The following PMFBP1 variants were observed in gnomAD, a reference collection of about 807,000 sequenced individuals.
PMFBP1 encodes polyamine-modulated factor 1-binding protein 1.
In PMFBP1, 131 loss-of-function variants were observed where a neutral mutation model predicts 137.8. The observed-to-expected ratio is 0.95, with a 90% CI of 0.82 to 1.10. The LOEUF is 1.10. Ranked by LOEUF, PMFBP1 falls within the 50% of genes least tolerant of loss-of-function variation. PMFBP1 has a pLI of 0.00. For missense variants in PMFBP1, 1,199 were observed against 1,175.4 expected (o/e 1.02, Z -0.29); for synonymous variants, 490 against 450.4 (o/e 1.09, Z -1.11).
chr16:72,159,832 G>C (rs920389344), intron 3 of PMFBP1, among the ~76,000 whole-genome samples: 1 of 148,786 alleles, frequency 6.7e-6, no homozygotes, highest in Non-Finnish European at 1.5e-5. Context: ...TCCTAATGAA[G>C]ACACAGATAT....
upstream of PMFBP1, among the ~76,000 whole-genome samples, chr16:72,175,960 T>G (rs1187608638): frequency 1.3e-5 from 2 of 152,196 alleles, no homozygotes; most frequent in Non-Finnish European, 2.9e-5. Flanking sequence ...GTGCAGAGGC[T>G]TGGCATGCAG....
chr16:72,136,892 T>C, intron 7 of PMFBP1, 73 bp from the exon 8 acceptor site: 1 of 1,592,152 alleles, frequency 6.3e-7, no homozygotes, highest in South Asian at 1.1e-5. Context: ...ATGCCCAGCA[T>C]CCACAGTCAA....
In PMFBP1 at chr16:72,164,900, C is replaced by CT; in HGVS notation, c.28dup (p.Arg10LysfsTer16). The CT allele has an allele frequency of 6.3e-7, 1 of 1,595,472 alleles. No individual in the cohort carries two copies. On this transcript the variant is annotated frameshift_variant, in exon 3 of 21. Coordinates refer to ENST00000237353, the MANE Select transcript of PMFBP1 (RefSeq NM_031293.3). LOFTEE classifies it high-confidence loss of function. The stretch of plus-strand genomic sequence containing the variant: ...CTTGCTGTTCAGGCTGCTCACTTCT[C>CT]TGTCTCTCTCCCCCGCCTAGGCAGC...
At chr16:72,244,290 C>G in the PMFBP1 span, among the ~76,000 whole-genome samples, 1 of 151,098 alleles carries the variant, frequency 6.6e-6, no homozygotes, top group Admixed American at 6.6e-5. Flanking sequence ...TGGACACAGA[C>G]AAGAAAAAAA....
chr16:72,199,021 A>T, the PMFBP1 span, among the ~76,000 whole-genome samples: 1 of 152,216 alleles, frequency 6.6e-6, no homozygotes, highest in Non-Finnish European at 1.5e-5. Flanking sequence ...GATATCAGAG[A>T]TGCCAAATGA....
chr16:72,184,742 T>C, the PMFBP1 span, among the ~76,000 whole-genome samples: 1 of 152,212 alleles, frequency 6.6e-6, no homozygotes, highest in African/African-American at 2.4e-5. Flanking sequence ...AGCCCAGAAA[T>C]CTAAGCACCA....
chr16:72,159,235 C>G (rs1202112191), intron 3 of PMFBP1, among the ~76,000 whole-genome samples: 1 of 152,178 alleles, frequency 6.6e-6, no homozygotes, highest in Non-Finnish European at 1.5e-5. Context: ...GTACCTGGTA[C>G]CCCCATCTAT....
chr16:72,213,706 A>G, the PMFBP1 span, among the ~76,000 whole-genome samples: 1 of 152,220 alleles, frequency 6.6e-6, no homozygotes. Context: ...TTTAAGCTGC[A>G]ATGTTTTGGG....
At chr16:72,203,901 T>G in the PMFBP1 span, among the ~76,000 whole-genome samples, 2 of 152,196 alleles carry the variant, frequency 1.3e-5, no homozygotes. Flanking sequence ...CAGGGTGCAC[T>G]GAGGTAATCA....
chr16:72,249,920 C>CAAAAAAAAAAAA, the PMFBP1 span, among the ~76,000 whole-genome samples: 10 of 30,094 alleles, frequency 3.3e-4, no homozygotes, highest in Non-Finnish European at 6.0e-4. Context: ...GACTCCATCG[C>CAAAAAAAAAAAA]AAAAAAAAAA....
the PMFBP1 span, among the ~76,000 whole-genome samples, chr16:72,249,301 T>A: frequency 3.4e-5 from 5 of 148,778 alleles, no homozygotes; most frequent in Admixed American, 1.3e-4. Flanking sequence ...TATTAAAAAA[T>A]AAAAAATCGT....
Position 72,150,819 on chromosome 16 carries a change from T to A in PMFBP1, c.425A>T (p.Tyr142Phe), listed in dbSNP as rs373879433. Residue 142 changes from tyrosine to phenylalanine, a missense_variant, in exon 5 of 21, where the codon TAT becomes TTT. Coordinates refer to ENST00000237353, the MANE Select transcript of PMFBP1 (RefSeq NM_031293.3). Reference protein sequence around the residue: ...CKLKEDEVILYEEEMGNHNEN... With the variant: ...CKLKEDEVILFEEEMGNHNEN... ...GTTGTGATTTCCCATTTCCTCCTCA[T>A]AGAGAATCACCTGTAGGTGTAGGAA... 30 of 1,613,402 alleles carry A rather than the reference T, an allele frequency of 1.9e-5. No individual in the cohort carries two copies. The highest frequency in any genetic ancestry group is 1.5e-4 in the Admixed American group (9 of 60,022).
the PMFBP1 span, among the ~76,000 whole-genome samples, chr16:72,249,920 C>CAAAAAAAAAAAAAA: frequency 1.7e-4 from 5 of 30,108 alleles, no homozygotes; most frequent in African/African-American, 2.4e-4. Flanking sequence ...GACTCCATCG[C>CAAAAAAAAAAAAAA]AAAAAAAAAA....
At chr16:72,175,469 C>T (rs888354432), upstream of PMFBP1, among the ~76,000 whole-genome samples, 1 of 152,184 alleles carries the variant, frequency 6.6e-6, no homozygotes, top group African/African-American at 2.4e-5. Context: ...TTGACTCCCT[C>T]CCCAAGGAAC....
the PMFBP1 span, among the ~76,000 whole-genome samples, chr16:72,196,155 T>G: frequency 6.6e-6 from 1 of 152,102 alleles, no homozygotes; most frequent in Admixed American, 6.5e-5. Flanking sequence ...ACATGAATGC[T>G]CTTTTGGATC....
In PMFBP1 at chr16:72,132,786, T is replaced by C; in HGVS notation, c.1409A>G (p.Asn470Ser). 6.2e-7 allele frequency: 1 copy of C among 1,614,200 alleles called. No individual in the cohort carries two copies. Among genetic ancestry groups the C allele is most frequent in the Non-Finnish European group, 8.5e-7 (1 of 1,180,036 alleles). Reference sequence around the variant, plus strand: ...CTGCTGCTTGGCCTCTTCGAGACTGTTCTTCAGCTTCTGGACCTCAGCCTG... The same window carrying C: ...CTGCTGCTTGGCCTCTTCGAGACTGCTCTTCAGCTTCTGGACCTCAGCCTG... Reference protein sequence around the residue: ...ALQAEVQKLKNSLEEAKQQER... With the variant: ...ALQAEVQKLKSSLEEAKQQER... The change falls in exon 10 of 21, where the codon AAC (asparagine) becomes AGC (serine). Residue 470 changes from asparagine to serine, a missense_variant. Coordinates refer to ENST00000237353, the MANE Select transcript of PMFBP1 (RefSeq NM_031293.3).
the PMFBP1 span, among the ~76,000 whole-genome samples, chr16:72,185,386 G>A: frequency 1.3e-5 from 2 of 151,864 alleles, no homozygotes; most frequent in Admixed American, 6.6e-5. Flanking sequence ...GAGCTCTACT[G>A]AACTATGTTC....
the PMFBP1 span, among the ~76,000 whole-genome samples, chr16:72,208,432 T>C: frequency 3.9e-5 from 6 of 152,256 alleles, no homozygotes; most frequent in Admixed American, 3.9e-4. Context: ...TGCTAATCCA[T>C]GTAGACATTT....
chr16:72,147,461 C>T lies in PMFBP1; in HGVS notation c.636+3147G>A, dbSNP rs139459191. Reference sequence around the variant, plus strand: ...GGCAATACCGTTCAGGACATAGGCACGGGCAAAGACTTCATGACTAAAACA... The same window carrying T: ...GGCAATACCGTTCAGGACATAGGCATGGGCAAAGACTTCATGACTAAAACA... On this transcript the variant is annotated intron_variant, in intron 5 of 20. Transcript: ENST00000237353. 3.0e-3 allele frequency among the ~76,000 whole-genome samples: 463 copies of T among 152,160 alleles called. 5 individuals are homozygous for T. The highest frequency in any genetic ancestry group is 0.011 in the African/African-American group (437 of 41,522).
Sources: allele counts gnomAD v4.1 joint callset (sites outside exome capture counted in the v4.1 genomes callset), GRCh38; gene constraint gnomAD v4.1.1; transcripts MANE v1.5; gene names NCBI Gene and HGNC (gene_info 2026-07-23, HGNC 2026-07-21).